Variants in TNR observed in about 807,000 individuals in gnomAD.
TNR encodes the protein tenascin R.
A neutral mutation model predicts 150.4 loss-of-function variants in TNR; 45 were observed. That is an observed-to-expected ratio of 0.30 (90% CI 0.24 to 0.38). The LOEUF is 0.38. Ranked by LOEUF, TNR falls within the 10% of genes least tolerant of loss-of-function variation. TNR has a pLI of 1.00. For synonymous variants in TNR, 687 were observed against 678.4 expected, an observed-to-expected ratio of 1.01 and a Z score of -0.20; for missense variants, 1,544 against 1,759.1, an observed-to-expected ratio of 0.88 and a Z score of 2.19.
chr1:175,346,939 T>C (rs1422081369), intron 18 of TNR, among the ~76,000 whole-genome samples: 1 of 151,420 alleles, frequency 6.6e-6, no homozygotes, highest in Non-Finnish European at 1.5e-5. Context: ...GATGAAGCTG[T>C]CTAGCTTTTT....
chr1:175,326,678 T>C (rs572925958), intron 21 of TNR, among the ~76,000 whole-genome samples: 2 of 152,324 alleles, frequency 1.3e-5, no homozygotes, highest in East Asian at 1.9e-4. Flanking sequence ...TTTATTTATT[T>C]TTTTGGTGTG....
intron 1 of TNR, among the ~76,000 whole-genome samples, chr1:175,625,946 C>T (rs1664140234): frequency 6.8e-6 from 1 of 148,008 alleles, no homozygotes; most frequent in Non-Finnish European, 1.5e-5. Context: ...CCCAGAATTC[C>T]CAAGTGTTGT....
intron 2 of TNR, among the ~76,000 whole-genome samples, chr1:175,444,441 T>C (rs186741293): frequency 3.3e-5 from 5 of 152,282 alleles, no homozygotes; most frequent in African/African-American, 1.2e-4. Context: ...GTACAGGAAG[T>C]GTGGCTGGCC....
At chr1:175,396,906 C>G (rs1426660171) in intron 4 of TNR, 99 bp from the exon 5 acceptor site, 4 of 1,462,682 alleles carry the variant, frequency 2.7e-6, no homozygotes, top group Non-Finnish European at 2.8e-6. Flanking sequence ...CATGCCATGT[C>G]TATATGTCCT....
At chr1:175,581,193 A>G (rs940929454) in intron 1 of TNR, among the ~76,000 whole-genome samples, 3 of 152,182 alleles carry the variant, frequency 2.0e-5, no homozygotes, top group African/African-American at 7.2e-5. Flanking sequence ...AGAACTGAAA[A>G]TGGGAACCGC....
At chr1:175,331,161 CT>C (rs1283038124) in intron 20 of TNR, among the ~76,000 whole-genome samples, 9 of 102,790 alleles carry the variant, frequency 8.8e-5, no homozygotes, top group African/African-American at 2.6e-4. Context: ...CTTTCTTTTT[CT>C]TTCCTTCCTT....
chr1:175,593,530 A>C (rs902823827), intron 1 of TNR, among the ~76,000 whole-genome samples: 3 of 152,210 alleles, frequency 2.0e-5, no homozygotes, highest in Admixed American at 1.3e-4. Context: ...AATCTAATAA[A>C]AGATTGTCAG....
chr1:175,474,188 A>C (rs1438375300), intron 2 of TNR, among the ~76,000 whole-genome samples: 1 of 152,138 alleles, frequency 6.6e-6, no homozygotes, highest in Non-Finnish European at 1.5e-5. Flanking sequence ...TTATGGGCTA[A>C]ATTGTGTCCT....
intron 2 of TNR, among the ~76,000 whole-genome samples, chr1:175,490,335 G>A (rs1018069862): frequency 2.0e-5 from 3 of 151,996 alleles, no homozygotes; most frequent in East Asian, 1.9e-4. Flanking sequence ...TGATGAAAAT[G>A]CGAAAAGCAA....
At chr1:175,449,734 C>G (rs1176070367) in intron 2 of TNR, among the ~76,000 whole-genome samples, 2 of 152,162 alleles carry the variant, frequency 1.3e-5, no homozygotes, top group Non-Finnish European at 2.9e-5. Context: ...CTGACTTGGG[C>G]TGGATTTTTG....
At chr1:175,573,047 T>C (rs1661945198) in intron 1 of TNR, among the ~76,000 whole-genome samples, 1 of 152,166 alleles carries the variant, frequency 6.6e-6, no homozygotes. Flanking sequence ...AAATGCATTA[T>C]ATATCATCTT....
At chr1:175,387,996 A>T (rs1653011010) in intron 7 of TNR, among the ~76,000 whole-genome samples, 1 of 152,216 alleles carries the variant, frequency 6.6e-6, no homozygotes, top group Non-Finnish European at 1.5e-5. Flanking sequence ...TGGTTTTCAT[A>T]TTTGAGGTAG....
intron 1 of TNR, among the ~76,000 whole-genome samples, chr1:175,729,826 C>A (rs1442082236): frequency 1.3e-5 from 2 of 152,172 alleles, no homozygotes; most frequent in African/African-American, 4.8e-5. Context: ...GGGAATCTGG[C>A]AGCTATGTGG....
chr1:175,400,956 T>C (rs977034492), intron 4 of TNR, among the ~76,000 whole-genome samples: 3 of 152,232 alleles, frequency 2.0e-5, no homozygotes, highest in African/African-American at 7.2e-5. Flanking sequence ...AAATGAGTGG[T>C]GGCTCTAGGG....
At chr1:175,392,818 G>T (rs111550520) in intron 6 of TNR, among the ~76,000 whole-genome samples, 1 of 152,244 alleles carries the variant, frequency 6.6e-6, no homozygotes, top group Admixed American at 6.5e-5. Flanking sequence ...TTTCTGAATC[G>T]TAGTGTCTAT....
intron 1 of TNR, among the ~76,000 whole-genome samples, chr1:175,545,618 G>A (rs1403979080): frequency 6.6e-6 from 1 of 152,168 alleles, no homozygotes; most frequent in Non-Finnish European, 1.5e-5. Flanking sequence ...TGCTCACTAA[G>A]TGTCTGGCAC....
At position 175,376,860 on chromosome 1, in the gene TNR, TTA is replaced by T. The variant is rs371694471; in HGVS notation, c.1963+2690_1963+2691del. ...TTATGTGTAATATATAAATGTAATA[TTA>T]TATATATATATATATATACACATAT... On this transcript the variant is annotated intron_variant, in intron 9 of 22. Transcript: ENST00000367674. Among the ~76,000 whole-genome samples the T allele has an allele frequency of 2.6e-3, 290 of 113,664 alleles. 1 individual carries two copies. The highest frequency in any genetic ancestry group is 0.014 in the South Asian group (48 of 3,528). 74.6% of individuals were successfully genotyped at this position (113,664 alleles called of 152,430 possible). A position where few individuals can be genotyped will look rare whatever the true frequency, so the allele number is the denominator to read the frequency against.
intron 2 of TNR, among the ~76,000 whole-genome samples, chr1:175,481,271 AGAC>A (rs1657798896): frequency 6.6e-6 from 1 of 152,238 alleles, no homozygotes; most frequent in African/African-American, 2.4e-5. Flanking sequence ...TGAATTATCT[AGAC>A]GAGATTTAAG....
chr1:175,669,614 G>T (rs930798368), intron 1 of TNR, among the ~76,000 whole-genome samples: 1 of 152,224 alleles, frequency 6.6e-6, no homozygotes, highest in African/African-American at 2.4e-5. Flanking sequence ...TTGCAAAAAG[G>T]CCCTACAAGA....
Sources: gnomAD v4.1 joint callset for allele counts (sites outside exome capture counted in the v4.1 genomes callset) on GRCh38, gnomAD v4.1.1 for gene constraint, MANE v1.5 for transcripts, NCBI Gene and HGNC (gene_info 2026-07-23, HGNC 2026-07-21) for gene names.